The following TBC1D30 variants were observed in gnomAD, a reference collection of about 807,000 sequenced individuals.
TBC1D30 encodes the protein TBC1 domain family member 30, also known as TBC1 domain family, member 30.
A neutral mutation model predicts 63.2 loss-of-function variants in TBC1D30; 31 were observed. The observed-to-expected ratio is 0.49, with a 90% confidence interval of 0.37 to 0.66. The LOEUF (loss-of-function observed/expected upper bound fraction) is 0.66, where lower values mean the gene tolerates loss of function less well. Ranked by LOEUF, TBC1D30 falls within the 30% of genes least tolerant of loss-of-function variation. The pLI is 0.00. For synonymous variants in TBC1D30, 307 were observed against 361.5 expected, an observed-to-expected ratio of 0.85 and a Z score of 1.71; for missense variants, 810 against 953.6, an observed-to-expected ratio of 0.85 and a Z score of 1.98.
chr12:64,857,322 T>C (rs1353653249), intron 8 of TBC1D30, among the ~76,000 whole-genome samples: 1 of 152,166 alleles, frequency 6.6e-6, no homozygotes, highest in African/African-American at 2.4e-5. Flanking sequence ...CTGCAAGTGT[T>C]GAGTCCTTCC....
intron 2 of TBC1D30, among the ~76,000 whole-genome samples, chr12:64,794,580 C>G (rs570499268): frequency 7.9e-5 from 12 of 151,948 alleles, no homozygotes; most frequent in Admixed American, 7.2e-4. Flanking sequence ...CTGGGAGGTG[C>G]ACACTACCAC....
At chr12:64,843,157 G>A (rs915068207) in intron 7 of TBC1D30, among the ~76,000 whole-genome samples, 2 of 152,136 alleles carry the variant, frequency 1.3e-5, no homozygotes, top group African/African-American at 2.4e-5. Context: ...ACAGGTGTGC[G>A]CCACGATACC....
chr12:64,828,302 G>A (rs1874543698), intron 2 of TBC1D30, 142 bp from the exon 3 acceptor site: 1 of 662,306 alleles, frequency 1.5e-6, no homozygotes. Context: ...GATCACTTCT[G>A]TCTGAAAGAA....
intron 8 of TBC1D30, among the ~76,000 whole-genome samples, chr12:64,862,609 T>C (rs1016076704): frequency 5.9e-5 from 9 of 152,182 alleles, no homozygotes; most frequent in African/African-American, 1.4e-4. Context: ...AATTTACTGA[T>C]ACCTTGTTAC....
Position 64,824,797 on chromosome 12 carries a change from C to A in TBC1D30, c.-83C>A. The A allele has an allele frequency of 6.8e-7, 1 of 1,475,368 alleles. No homozygotes were observed. The allele number at this position is 1,475,368 out of a possible 1,614,324, so 91.4% of individuals were successfully genotyped here. A position where few individuals can be genotyped will look rare whatever the true frequency, so the allele number is the denominator to read the frequency against. Reference sequence around the variant, plus strand: ...CGGTCAGCCGCAGACACTCACCCAGCTCCGCGAGCTCAGCCGCTCAGCGAG... The same window carrying A: ...CGGTCAGCCGCAGACACTCACCCAGATCCGCGAGCTCAGCCGCTCAGCGAG... On this transcript the variant is annotated 5_prime_UTR_variant, in exon 1 of 12. Coordinates refer to ENST00000539867, the MANE Select transcript of TBC1D30 (RefSeq NM_015279.2).
intron 1 of TBC1D30, among the ~76,000 whole-genome samples, chr12:64,783,845 C>T (rs372386763): frequency 6.9e-3 from 2 of 290 alleles, no homozygotes; most frequent in Non-Finnish European, 0.016. Flanking sequence ...TGATTTGGTT[C>T]TTTGGTTTCA....
intron 2 of TBC1D30, among the ~76,000 whole-genome samples, chr12:64,786,799 T>G (rs532530765): frequency 6.6e-6 from 1 of 151,726 alleles, no homozygotes; most frequent in African/African-American, 2.4e-5. Flanking sequence ...AAAAATTAGC[T>G]GGTCGTGGTG....
At chr12:64,828,955 G>A (rs567352878) in intron 3 of TBC1D30, among the ~76,000 whole-genome samples, 2 of 151,870 alleles carry the variant, frequency 1.3e-5, no homozygotes, top group African/African-American at 4.8e-5. Flanking sequence ...AACAGCCAGC[G>A]CAAGCACCCT....
chr12:64,844,500 A>C (rs896418268), intron 8 of TBC1D30, among the ~76,000 whole-genome samples: 1 of 152,222 alleles, frequency 6.6e-6, no homozygotes, highest in Non-Finnish European at 1.5e-5. Flanking sequence ...TCCTCCCCAA[A>C]TGTTTATCCT....
chr12:64,863,651 AG>A (rs1163578789), intron 8 of TBC1D30, among the ~76,000 whole-genome samples: 2 of 152,212 alleles, frequency 1.3e-5, no homozygotes, highest in Non-Finnish European at 2.9e-5. Flanking sequence ...TCAGATGTAC[AG>A]GTTGTTAGAA....
In TBC1D30 at chr12:64,830,471, A is replaced by T. The variant is rs747559358; in HGVS notation, c.377A>T (p.Asp126Val). 1 of 1,535,056 alleles carries T rather than the reference A, an allele frequency of 6.5e-7. No individual in the cohort carries two copies. The highest frequency in any genetic ancestry group is 2.4e-5 in the East Asian group (1 of 40,906). The change falls in exon 4 of 12, where the codon GAT becomes GTT. Residue 126 changes from aspartate to valine, a missense_variant. Coordinates refer to ENST00000539867, the MANE Select transcript of TBC1D30 (RefSeq NM_015279.2). Reference protein sequence around the residue: ...RFTFNERSNPDDDSMGIQIVK... With the variant: ...RFTFNERSNPVDDSMGIQIVK... Reference sequence around the variant, plus strand: ...ACTTTCAATGAAAGGAGTAATCCTGATGATGACTCCATGGGAATTCAGATA... The same window carrying T: ...ACTTTCAATGAAAGGAGTAATCCTGTTGATGACTCCATGGGAATTCAGATA...
At chr12:64,860,257 G>A (rs1490155038) in intron 8 of TBC1D30, among the ~76,000 whole-genome samples, 1 of 151,864 alleles carries the variant, frequency 6.6e-6, no homozygotes, top group African/African-American at 2.4e-5. Flanking sequence ...GGCTCAAGCA[G>A]TCCTCACTCC....
intron 1 of TBC1D30, among the ~76,000 whole-genome samples, chr12:64,774,434 G>T (rs1181522326): frequency 6.6e-6 from 1 of 152,132 alleles, no homozygotes; most frequent in Non-Finnish European, 1.5e-5. Context: ...TTCAGGAAAT[G>T]CAGAGAACCC....
intron 1 of TBC1D30, among the ~76,000 whole-genome samples, chr12:64,784,540 T>C (rs1262940352): frequency 6.6e-6 from 1 of 150,652 alleles, no homozygotes; most frequent in African/African-American, 2.4e-5. Flanking sequence ...GGGGGCTAGC[T>C]AAGGTTAAGT....
intron 1 of TBC1D30, among the ~76,000 whole-genome samples, chr12:64,764,858 A>G (rs1469001586): frequency 6.6e-6 from 1 of 152,238 alleles, no homozygotes; most frequent in Non-Finnish European, 1.5e-5. Context: ...ACCAGAAGGC[A>G]AGGCAAAGAA....
At chr12:64,847,996 G>A (rs560438064) in intron 8 of TBC1D30, among the ~76,000 whole-genome samples, 433 of 150,682 alleles carry the variant, frequency 2.9e-3, no homozygotes, top group African/African-American at 9.9e-3. Context: ...ATCTCTAGCC[G>A]TCACTGTGCT....
chr12:64,850,223 A>G (rs1473317168), intron 8 of TBC1D30, among the ~76,000 whole-genome samples: 1 of 152,152 alleles, frequency 6.6e-6, no homozygotes, highest in Non-Finnish European at 1.5e-5. Context: ...TGCAAACAGA[A>G]ACAATTTGAC....
chr12:64,832,589 A>G (rs897547833), intron 5 of TBC1D30, among the ~76,000 whole-genome samples: 6 of 152,210 alleles, frequency 3.9e-5, no homozygotes, highest in African/African-American at 1.2e-4. Context: ...CTGTTCAACA[A>G]ATTAGCTGCT....
intron 8 of TBC1D30, among the ~76,000 whole-genome samples, chr12:64,860,551 G>A (rs1877703953): frequency 6.6e-6 from 1 of 151,966 alleles, no homozygotes; most frequent in Non-Finnish European, 1.5e-5. Context: ...AATACAACTG[G>A]TTACTCAGTG....
Sources: allele counts gnomAD v4.1 joint callset (sites outside exome capture counted in the v4.1 genomes callset), GRCh38; gene constraint gnomAD v4.1.1; transcripts MANE v1.5; gene names NCBI Gene and HGNC (gene_info 2026-07-23, HGNC 2026-07-21).